The following PCDHGA7 variants were observed in gnomAD, a reference collection of about 807,000 sequenced individuals.
PCDHGA7 encodes protocadherin gamma subfamily A, 7, also known as protocadherin gamma-A7.
A neutral mutation model predicts 58.3 loss-of-function variants in PCDHGA7; 44 were observed. The observed-to-expected ratio is 0.75, with a 90% CI of 0.59 to 0.97. PCDHGA7 has a LOEUF of 0.97. PCDHGA7 is among the 50% of genes least tolerant of loss of function. The pLI is 0.00. For synonymous variants in PCDHGA7, 516 were observed against 504.2 expected (o/e 1.02, Z -0.31); for missense variants, 1,266 against 1,188.7 (o/e 1.06, Z -0.96).
Position 141,485,048 on chromosome 5 carries a change from C to T in PCDHGA7, c.2425-9759C>T. ...AAACGGCGCGTAACCCTTGCGGCGC[C>T]GGCCGAACCGCGCCAGAGCTGGCGC... On this transcript the variant is annotated intron_variant, in intron 1 of 3. Transcript: ENST00000518325. The surrounding 1 kb of genome is among the most constrained non-coding windows in gnomAD (Gnocchi z 5.7). 1 of 770,392 alleles carries T rather than the reference C, an allele frequency of 1.3e-6. No individual in the cohort carries two copies. Among genetic ancestry groups the T allele is most frequent in the South Asian group, 1.7e-5 (1 of 58,120 alleles). 47.7% of individuals were successfully genotyped at this position (770,392 alleles called of 1,614,324 possible). A position where few individuals can be genotyped will look rare whatever the true frequency, so the allele number is the denominator to read the frequency against.
At chr5:141,419,155 A>G in intron 1 of PCDHGA7, 1 of 1,613,966 alleles carries the variant, frequency 6.2e-7, no homozygotes, top group Middle Eastern at 1.6e-4. Context: ...AGCCTCCGTT[A>G]TCCTCCAGCA....
chr5:141,403,429 T>C (rs1282528901), intron 1 of PCDHGA7: 2 of 1,614,006 alleles, frequency 1.2e-6, no homozygotes, highest in Non-Finnish European at 1.7e-6. Flanking sequence ...AAGCTATTGA[T>C]CCGGATGTTG....
intron 1 of PCDHGA7, chr5:141,478,429 G>C: frequency 6.2e-7 from 1 of 1,613,674 alleles, no homozygotes; most frequent in Non-Finnish European, 8.5e-7. Flanking sequence ...GCAGCGACCC[G>C]CTGCTGAAGA....
intron 1 of PCDHGA7, among the ~76,000 whole-genome samples, chr5:141,401,895 TC>T (rs2094205697): frequency 6.6e-6 from 1 of 152,224 alleles, no homozygotes; most frequent in Non-Finnish European, 1.5e-5. Context: ...GTGTTCTTTT[TC>T]CCAAATTATT....
At chr5:141,484,620 C>G (rs536622819) in intron 1 of PCDHGA7, among the ~76,000 whole-genome samples, 25 of 151,974 alleles carry the variant, frequency 1.6e-4, no homozygotes, top group African/African-American at 6.0e-4. Flanking sequence ...ACAACACTGG[C>G]TTGAACAAAG....
chr5:141,421,834 CGA>C lies in PCDHGA7; in HGVS notation c.2424+36516_2424+36517del, dbSNP rs763631483. The C allele has an allele frequency of 2.1e-5, 34 of 1,613,630 alleles. No homozygotes were observed. The Admixed American group carries it at 5.5e-4, about 26-fold the overall frequency. ...GCTAGTACTGGAGGGAAGCCTGGAC[CGA>C]GAGAAAGAGGCTGCTCACCTGCTCC... On this transcript the variant is annotated intron_variant, in intron 1 of 3. Transcript: ENST00000518325.
intron 1 of PCDHGA7, among the ~76,000 whole-genome samples, chr5:141,482,804 G>T (rs1431490730): frequency 6.6e-6 from 1 of 152,194 alleles, no homozygotes; most frequent in East Asian, 1.9e-4. Flanking sequence ...GGGTACGGTG[G>T]CTCATGCCTG....
intron 1 of PCDHGA7, among the ~76,000 whole-genome samples, chr5:141,443,679 A>G (rs1158105871): frequency 6.6e-6 from 1 of 152,268 alleles, no homozygotes; most frequent in African/African-American, 2.4e-5. Flanking sequence ...AGTAGTTTAC[A>G]AACACTTCAA....
rs944174966 is a variant in PCDHGA7 at position 141,384,983 on chromosome 5, T to C, written c.2084T>C (p.Val695Ala). 6.2e-7 allele frequency: 1 copy of C among 1,614,026 alleles called. No individual in the cohort carries two copies. Among genetic ancestry groups the C allele is most frequent in the Non-Finnish European group, 8.5e-7 (1 of 1,180,046 alleles). ...TATGACCTCACGTTGTACCTGGTGG[T>C]GGCGGTGGCCACAGTCTCCTGCGTC... ...YNYDLTLYLV[V>A]AVATVSCVFL... is the part of the protein sequence containing the mutation. The change falls in exon 1 of 4, where the codon GTG (valine) becomes GCG (alanine). Residue 695 changes from valine (V) to alanine (A), a missense_variant. Physicochemically the swap from Val to Ala is moderately conservative, Grantham distance 64 (BLOSUM62 0). Transcript: ENST00000518325.
intron 1 of PCDHGA7, chr5:141,399,180 G>A (rs1454578078): frequency 6.2e-7 from 1 of 1,613,916 alleles, no homozygotes; most frequent in Non-Finnish European, 8.5e-7. Context: ...TACTTGAAAT[G>A]ATTCTGGAAA....
chr5:141,489,563 T>C lies in PCDHGA7; in HGVS notation c.2425-5244T>C, dbSNP rs2099689031. ...ACCAGCTGCCTGCTGCCAGTGCAGG[T>C]GGTGACTGAACACCCCCTGGAGCTA... On this transcript the variant is annotated intron_variant, in intron 1 of 3. Coordinates refer to ENST00000518325, the MANE Select transcript of PCDHGA7 (RefSeq NM_018920.4). The surrounding 1 kb of genome is among the most constrained non-coding windows in gnomAD (Gnocchi z 4.5). 13 of 1,614,006 alleles carry C rather than the reference T, an allele frequency of 8.1e-6. No homozygotes were observed. The highest frequency in any genetic ancestry group is 1.1e-5 in the Non-Finnish European group (13 of 1,179,976).
At position 141,392,616 on chromosome 5, in the gene PCDHGA7, G is replaced by A. The variant is rs912385052; in HGVS notation, c.2424+7293G>A. 8 of 535,918 alleles carry A rather than the reference G, an allele frequency of 1.5e-5. No individual in the cohort carries two copies. In the South Asian group the frequency reaches 2.7e-4, roughly 18 times the overall value. The allele number at this position is 535,918 out of a possible 1,614,324, so 33.2% of individuals were successfully genotyped here. ...CACCTACTGGAAGACAAATGCAACC[G>A]AAAACACTCAGATCTCACACCTCAC... On this transcript the variant is annotated intron_variant, in intron 1 of 3. Transcript: ENST00000518325.
Position 141,427,133 on chromosome 5 carries a change from A to AGAT in PCDHGA7, c.2424+41814_2424+41816dup, listed in dbSNP as rs370316028. 2.9e-4 allele frequency: 134 copies of AGAT among 457,190 alleles called. 1 individual carries two copies. The highest frequency in any genetic ancestry group is 2.4e-3 in the African/African-American group (123 of 50,216). The allele number at this position is 457,190 out of a possible 1,614,324, so 28.3% of individuals were successfully genotyped here. On this transcript the variant is annotated intron_variant, in intron 1 of 3. Transcript: ENST00000518325. ...TCACCTACTCTTTCAAATCCCTACG[A>AGAT]GATGATATTGGAAATATGTTTGTGC...
chr5:141,507,368 T>C (rs1446319165), intron 3 of PCDHGA7: 2 of 152,094 alleles, frequency 1.3e-5, no homozygotes, highest in Non-Finnish European at 2.9e-5. Context: ...GGGAGCCCTG[T>C]ACTTTTATTT....
intron 1 of PCDHGA7, chr5:141,404,978 G>C: frequency 6.2e-7 from 1 of 1,613,976 alleles, no homozygotes; most frequent in Non-Finnish European, 8.5e-7. Context: ...GGCTGACCTG[G>C]GCAGTCTTCA....
chr5:141,423,159 G>A lies in PCDHGA7; in HGVS notation c.2424+37836G>A, dbSNP rs750186629. On this transcript the variant is annotated intron_variant, in intron 1 of 3. Transcript: ENST00000518325. Reference sequence around the variant, plus strand: ...GAGACGCGCTCAAGCAGAGCCTCGTGGTGGCCGTCCAGGACCACGGCCAGC... The same window carrying A: ...GAGACGCGCTCAAGCAGAGCCTCGTAGTGGCCGTCCAGGACCACGGCCAGC... The A allele has an allele frequency of 1.9e-5, 31 of 1,610,746 alleles. 1 individual carries two copies. The highest frequency in any genetic ancestry group is 3.3e-4 in the Middle Eastern group (2 of 6,080).
At chr5:141,439,727 C>G (rs940325016) in intron 1 of PCDHGA7, 2 of 152,406 alleles carry the variant, frequency 1.3e-5, no homozygotes, top group Non-Finnish European at 2.9e-5. Context: ...AAATTATAAG[C>G]AGGAACGGAA....
At chr5:141,419,302 C>T in intron 1 of PCDHGA7, 1 of 1,614,024 alleles carries the variant, frequency 6.2e-7, no homozygotes, top group East Asian at 2.2e-5. Context: ...ACCCAGACTT[C>T]GGGCTCAACG....
rs779390477 is a variant in PCDHGA7 at position 141,419,000 on chromosome 5, G to A, written c.2424+33677G>A. ...GGACCAAGACTCAGGGGAAAATGGG[G>A]AAGTCAGGTGTAGCTTAAGTAGAGG... On this transcript the variant is annotated intron_variant, in intron 1 of 3. Transcript: ENST00000518325. 3.1e-6 allele frequency: 5 copies of A among 1,613,962 alleles called. 1 individual carries two copies. In the South Asian group the frequency reaches 4.4e-5, roughly 14 times the overall value.
Sources: allele counts gnomAD v4.1 joint callset (sites outside exome capture counted in the v4.1 genomes callset), GRCh38; gene constraint gnomAD v4.1.1; non-coding constraint Gnocchi (gnomAD v3.1); transcripts MANE v1.5; gene names NCBI Gene and HGNC (gene_info 2026-07-23, HGNC 2026-07-21).